CELF4: variants seen among roughly 807,000 people sequenced by gnomAD.
CELF4 encodes CUGBP Elav-like family member 4.
CELF4 carries 18 observed loss-of-function variants against 59.9 expected under a neutral mutation model. The ratio of observed to expected loss-of-function variants is 0.30; its 90% CI spans 0.21 to 0.45. The LOEUF (loss-of-function observed/expected upper bound fraction) is 0.45. Ranked by LOEUF, CELF4 falls within the 20% of genes least tolerant of loss-of-function variation. CELF4 has a pLI of 1.00. For missense variants in CELF4, 456 were observed against 689.0 expected, an observed-to-expected ratio of 0.66 and a Z score of 3.79; for synonymous variants, 261 against 267.1, an observed-to-expected ratio of 0.98 and a Z score of 0.22.
Position 37,277,988 on chromosome 18 carries a change from T to C in CELF4, c.449-2745A>G, listed in dbSNP as rs576627569. 2.0e-5 allele frequency among the ~76,000 whole-genome samples: 3 copies of C among 152,360 alleles called. No homozygotes were observed. In the East Asian group the frequency reaches 5.8e-4, roughly 29 times the overall value. Reference sequence around the variant, plus strand: ...CCTCGCCTTCGCCTCTCCTGACGTCTGAATGCATTCCTTTATTATTGCTAT... The same window carrying C: ...CCTCGCCTTCGCCTCTCCTGACGTCCGAATGCATTCCTTTATTATTGCTAT... On this transcript the variant is annotated intron_variant, in intron 3 of 12. Coordinates refer to ENST00000420428, the MANE Select transcript of CELF4 (RefSeq NM_020180.4).
Position 37,485,573 on chromosome 18 carries a change from T to G in CELF4, c.321A>C (p.Ser107=), listed in dbSNP as rs780359955. The change falls in exon 2 of 13, where the codon TCA becomes TCC. Residue 107 remains serine (S), a synonymous_variant. Transcript: ENST00000420428. ...CAFLTYCERE[S]ALKAQSALHE... ...GCAGCGCGCTCTGGGCCTTCAGCGC[T>G]GACTCACGCTCGCAGTAGGTGAGGA... 1 of 1,460,124 alleles carries G rather than the reference T, an allele frequency of 6.8e-7. No homozygotes were observed. Among genetic ancestry groups the G allele is most frequent in the Non-Finnish European group, 9.1e-7 (1 of 1,093,780 alleles). The allele number at this position is 1,460,124 out of a possible 1,614,324, so 90.4% of individuals were successfully genotyped here.
intron 1 of CELF4, among the ~76,000 whole-genome samples, chr18:37,525,424 C>CT (rs1469809060): frequency 6.6e-6 from 1 of 152,126 alleles, no homozygotes; most frequent in Non-Finnish European, 1.5e-5. Flanking sequence ...TCGGGGTGGC[C>CT]TTCTGGGTTG....
intron 1 of CELF4, among the ~76,000 whole-genome samples, chr18:37,514,037 A>T (rs906333542): frequency 6.6e-6 from 1 of 151,704 alleles, no homozygotes; most frequent in Non-Finnish European, 1.5e-5. Context: ...GGCTCTACCA[A>T]GTCCAGCAAA....
chr18:37,255,411 G>T (rs1037983812), intron 11 of CELF4, among the ~76,000 whole-genome samples: 3 of 151,530 alleles, frequency 2.0e-5, no homozygotes, highest in African/African-American at 4.9e-5. Context: ...CCTTGCTCAA[G>T]TTTGCTCCTA....
intron 2 of CELF4, among the ~76,000 whole-genome samples, chr18:37,472,727 C>T (rs974806725): frequency 1.3e-5 from 2 of 152,118 alleles, no homozygotes; most frequent in African/African-American, 2.4e-5. Flanking sequence ...GCCTGCCCAG[C>T]GGCATGGAGG....
intron 1 of CELF4, among the ~76,000 whole-genome samples, chr18:37,560,146 A>G (rs1033385225): frequency 6.6e-6 from 1 of 152,170 alleles, no homozygotes; most frequent in Non-Finnish European, 1.5e-5. Flanking sequence ...GATGGGAGGG[A>G]CGTTGTTAAC....
chr18:37,330,401 C>T (rs557830533), intron 2 of CELF4, among the ~76,000 whole-genome samples: 4 of 152,146 alleles, frequency 2.6e-5, no homozygotes, highest in South Asian at 4.2e-4. Flanking sequence ...ACCGCAGAAG[C>T]GGCACACATT....
At chr18:37,518,131 C>T (rs553391097) in intron 1 of CELF4, among the ~76,000 whole-genome samples, 10 of 152,268 alleles carry the variant, frequency 6.6e-5, no homozygotes, top group African/African-American at 1.4e-4. Context: ...AGATACAGTG[C>T]TGGTCACTCT....
intron 11 of CELF4, among the ~76,000 whole-genome samples, chr18:37,258,026 T>A (rs1017359057): frequency 9.9e-5 from 15 of 152,156 alleles, no homozygotes; most frequent in African/African-American, 3.6e-4. Context: ...ACATCAACAA[T>A]AAATACTTTT....
At position 37,470,871 on chromosome 18, in the gene CELF4, T is replaced by TGACAGA. The variant is rs1406176161; in HGVS notation, c.369+14653_369+14654insTCTGTC. Among the ~76,000 whole-genome samples, 264 of 116,754 alleles carry TGACAGA rather than the reference T, an allele frequency of 2.3e-3. 2 individuals are homozygous for TGACAGA. Among genetic ancestry groups the TGACAGA allele is most frequent in the Non-Finnish European group, 2.6e-3 (146 of 56,460 alleles). 76.6% of individuals were successfully genotyped at this position (116,754 alleles called of 152,430 possible). On this transcript the variant is annotated intron_variant, in intron 2 of 12. Coordinates refer to ENST00000420428, the MANE Select transcript of CELF4 (RefSeq NM_020180.4). ...GTGTGTGTGTGTGTGTGTGTGTGTG[T>TGACAGA]GTGTGTGTGTGTGTGTGACAGAGAG...
intron 4 of CELF4, 39 bp from the exon 5 acceptor site, chr18:37,274,923 A>G (rs1030876020): frequency 7.5e-6 from 12 of 1,593,380 alleles, no homozygotes; most frequent in Non-Finnish European, 1.0e-5. Flanking sequence ...ACCCAGAAGC[A>G]GGGCCAGGGA....
At chr18:37,511,276 C>T (rs761650434) in intron 1 of CELF4, among the ~76,000 whole-genome samples, 1 of 152,122 alleles carries the variant, frequency 6.6e-6, no homozygotes, top group Non-Finnish European at 1.5e-5. Context: ...CGGTCAGGTG[C>T]CCACTGTGTG....
At chr18:37,331,296 C>G (rs2097534074) in intron 2 of CELF4, among the ~76,000 whole-genome samples, 1 of 152,178 alleles carries the variant, frequency 6.6e-6, no homozygotes. Flanking sequence ...CCTCTCATAG[C>G]TGTGTCTGCA....
chr18:37,402,599 A>G (rs1194759299), intron 2 of CELF4, among the ~76,000 whole-genome samples: 4 of 152,176 alleles, frequency 2.6e-5, no homozygotes, highest in African/African-American at 4.8e-5. Context: ...GTCATTCTTT[A>G]TTCCAGCAAA....
chr18:37,450,862 C>G (rs1569569459), intron 2 of CELF4, among the ~76,000 whole-genome samples: 1 of 152,216 alleles, frequency 6.6e-6, no homozygotes, highest in East Asian at 1.9e-4. Context: ...TCCTCTGTCA[C>G]TAGCCTTGGC....
At chr18:37,404,027 C>T (rs992421251) in intron 2 of CELF4, among the ~76,000 whole-genome samples, 1 of 152,220 alleles carries the variant, frequency 6.6e-6, no homozygotes, top group African/African-American at 2.4e-5. Context: ...CAGTCAGCAT[C>T]TTCCACCTGA....
chr18:37,390,790 G>A (rs1048972944), intron 2 of CELF4, among the ~76,000 whole-genome samples: 1 of 129,416 alleles, frequency 7.7e-6, no homozygotes, highest in African/African-American at 3.1e-5. Context: ...AAGGCTGGTG[G>A]TGGTGATGGG....
intron 2 of CELF4, among the ~76,000 whole-genome samples, chr18:37,474,972 C>A (rs1175268246): frequency 6.6e-6 from 1 of 152,224 alleles, no homozygotes; most frequent in Non-Finnish European, 1.5e-5. Flanking sequence ...GGCACAACCT[C>A]GGCCACAGCC....
chr18:37,425,090 G>A (rs557761768), intron 2 of CELF4, among the ~76,000 whole-genome samples: 5 of 152,296 alleles, frequency 3.3e-5, no homozygotes, highest in East Asian at 1.9e-4. Context: ...ATTTGTGAAT[G>A]TGTGACTCCT....
Sources: allele counts gnomAD v4.1 joint callset (sites outside exome capture counted in the v4.1 genomes callset), GRCh38; gene constraint gnomAD v4.1.1; transcripts MANE v1.5; gene names NCBI Gene and HGNC (gene_info 2026-07-23, HGNC 2026-07-21).